The following EPSTI1 variants were observed in gnomAD, a reference collection of about 807,000 sequenced individuals.
EPSTI1 encodes the protein epithelial-stromal interaction protein 1.
EPSTI1 carries 66 observed loss-of-function variants against 49.9 expected under a neutral mutation model. The observed-to-expected ratio is 1.32, with a 90% CI of 1.08 to 1.62. EPSTI1 has a LOEUF of 1.62. Among genes scored for constraint, EPSTI1 ranks in the 40% most tolerant of loss-of-function variants. The pLI is 0.00. For missense variants in EPSTI1, 394 were observed against 365.5 expected (o/e 1.08, Z -0.64); for synonymous variants, 137 against 130.7 (o/e 1.05, Z -0.33).
At chr13:42,926,026 T>TGGAAGGAAGGAAGGAA (rs60372725) in intron 7 of EPSTI1, among the ~76,000 whole-genome samples, 141 of 142,732 alleles carry the variant, frequency 9.9e-4, no homozygotes, top group South Asian at 5.5e-3. Context: ...GATGCATGGA[T>TGGAAGGAAGGAAGGAA]GGAAGGAAGG....
intron 3 of EPSTI1, among the ~76,000 whole-genome samples, chr13:42,967,671 T>A (rs2039658278): frequency 2.0e-5 from 3 of 152,134 alleles, no homozygotes; most frequent in African/African-American, 7.2e-5. Context: ...ATCGTCTGTA[T>A]CAGGGAAATC....
intron 6 of EPSTI1, among the ~76,000 whole-genome samples, chr13:42,928,609 TTAAGGGTC>T (rs2038261694): frequency 6.6e-6 from 1 of 152,236 alleles, no homozygotes; most frequent in Non-Finnish European, 1.5e-5. Flanking sequence ...CTTAGGATCT[TTAAGGGTC>T]CTTCCTGCTC....
At chr13:42,924,531 A>G (rs1400174021) in intron 7 of EPSTI1, among the ~76,000 whole-genome samples, 1 of 152,222 alleles carries the variant, frequency 6.6e-6, no homozygotes, top group Non-Finnish European at 1.5e-5. Flanking sequence ...AAGGAAGACC[A>G]GCCTGGTAGG....
chr13:42,943,681 A>AT (rs914015969), intron 6 of EPSTI1, among the ~76,000 whole-genome samples: 36 of 152,284 alleles, frequency 2.4e-4, no homozygotes, highest in African/African-American at 5.8e-4. Flanking sequence ...GTCAACTTTT[A>AT]TTTTTTTACC....
chr13:42,889,320 G>C (rs1219249713), intron 10 of EPSTI1: 1 of 891,910 alleles, frequency 1.1e-6, no homozygotes, highest in Non-Finnish European at 1.7e-6. Flanking sequence ...AGAAATATGA[G>C]AAGACTGATT....
chr13:42,898,029 C>A (rs1175476721), intron 9 of EPSTI1, among the ~76,000 whole-genome samples: 2 of 152,184 alleles, frequency 1.3e-5, no homozygotes, highest in Non-Finnish European at 2.9e-5. Flanking sequence ...AAGTCCTTGA[C>A]CCCCATGCTC....
chr13:42,916,364 T>C (rs554076514), intron 8 of EPSTI1, among the ~76,000 whole-genome samples: 1 of 152,154 alleles, frequency 6.6e-6, no homozygotes, highest in South Asian at 2.1e-4. Flanking sequence ...CTCGCATGAT[T>C]TCTTTCAATG....
chr13:42,938,696 C>T (rs2038645519), intron 6 of EPSTI1, among the ~76,000 whole-genome samples: 1 of 151,760 alleles, frequency 6.6e-6, no homozygotes, highest in Admixed American at 6.6e-5. Context: ...GGCGGATCAC[C>T]TGAGGTCAGG....
chr13:42,946,311 GC>G (rs1259784817), intron 6 of EPSTI1, among the ~76,000 whole-genome samples: 1 of 152,168 alleles, frequency 6.6e-6, no homozygotes, highest in Admixed American at 6.5e-5. Flanking sequence ...CAATCGGCAG[GC>G]TGAGCTCAAG....
At chr13:42,893,972 A>G (rs1356970689) in intron 10 of EPSTI1, among the ~76,000 whole-genome samples, 1 of 152,218 alleles carries the variant, frequency 6.6e-6, no homozygotes, top group Non-Finnish European at 1.5e-5. Flanking sequence ...TACTGTCCCT[A>G]TTCTGAATGC....
chr13:42,942,060 G>A (rs1270167928), intron 6 of EPSTI1, among the ~76,000 whole-genome samples: 1 of 152,064 alleles, frequency 6.6e-6, no homozygotes, highest in Non-Finnish European at 1.5e-5. Context: ...TTTGTGACTT[G>A]CATTTTCCTT....
At chr13:42,890,296 C>CT (rs71202241) in intron 10 of EPSTI1, among the ~76,000 whole-genome samples, 1,536 of 116,286 alleles carry the variant, frequency 0.013, 41 homozygotes, top group African/African-American at 0.042. Context: ...TTTTTCTTTT[C>CT]TTTTTTTTTT....
At chr13:42,926,199 TC>T in intron 7 of EPSTI1, 136 bp downstream of exon 7, 1 of 667,498 alleles carries the variant, frequency 1.5e-6, no homozygotes, top group South Asian at 1.8e-5. Context: ...ACAGTTGAGG[TC>T]AAAGTTTCGG....
intron 1 of EPSTI1, among the ~76,000 whole-genome samples, chr13:42,989,047 T>TTTTC (rs1338894887): frequency 6.9e-6 from 1 of 144,476 alleles, no homozygotes; most frequent in Non-Finnish European, 1.5e-5. Context: ...TTTTTTTTTT[T>TTTTC]TTTTTTTTTT....
At chr13:42,946,917 A>G (rs560921390) in intron 6 of EPSTI1, among the ~76,000 whole-genome samples, 1 of 152,330 alleles carries the variant, frequency 6.6e-6, no homozygotes, top group East Asian at 1.9e-4. Context: ...GAACAGTTTC[A>G]TCCCAAAACC....
At chr13:42,956,046 G>C (rs1471793398) in intron 5 of EPSTI1, among the ~76,000 whole-genome samples, 1 of 151,972 alleles carries the variant, frequency 6.6e-6, no homozygotes, top group Non-Finnish European at 1.5e-5. Context: ...GCCTCGTTGG[G>C]GACACAGACA....
chr13:42,984,744 G>A (rs2040048378), intron 1 of EPSTI1, among the ~76,000 whole-genome samples: 1 of 152,238 alleles, frequency 6.6e-6, no homozygotes, highest in South Asian at 2.1e-4. Context: ...TATCTCCCTT[G>A]AGAGTTTGGG....
At chr13:42,940,215 C>T (rs924664500) in intron 6 of EPSTI1, among the ~76,000 whole-genome samples, 1 of 152,162 alleles carries the variant, frequency 6.6e-6, no homozygotes, top group African/African-American at 2.4e-5. Context: ...TTGCTGAGTA[C>T]CCTATATGCC....
intron 7 of EPSTI1, among the ~76,000 whole-genome samples, chr13:42,918,697 C>T (rs1027421459): frequency 1.3e-5 from 2 of 152,160 alleles, no homozygotes; most frequent in Non-Finnish European, 2.9e-5. Context: ...AAAACTGGAG[C>T]TTCCTGTGTT....
Sources: allele counts gnomAD v4.1 joint callset (sites outside exome capture counted in the v4.1 genomes callset), GRCh38; gene constraint gnomAD v4.1.1; transcripts MANE v1.5; gene names NCBI Gene and HGNC (gene_info 2026-07-23, HGNC 2026-07-21).